Variants in AGBL4 observed in about 807,000 individuals in gnomAD.
AGBL4 encodes the protein cytosolic carboxypeptidase 6.
AGBL4 carries 58 observed loss-of-function variants against 66.4 expected under a neutral mutation model. That is an observed-to-expected ratio of 0.87 (90% CI 0.71 to 1.09). The LOEUF (loss-of-function observed/expected upper bound fraction) is 1.09, where lower values mean the gene tolerates loss of function less well. Among genes scored for constraint, AGBL4 ranks in the 50% least tolerant of loss-of-function variants. The pLI is 0.00. For synonymous variants in AGBL4, 234 were observed against 222.9 expected, an observed-to-expected ratio of 1.05 and a Z score of -0.44; for missense variants, 579 against 631.0, an observed-to-expected ratio of 0.92 and a Z score of 0.88.
chr1:48,921,382 A>C (rs1654061846), intron 5 of AGBL4, among the ~76,000 whole-genome samples: 1 of 152,238 alleles, frequency 6.6e-6, no homozygotes, highest in Non-Finnish European at 1.5e-5. Flanking sequence ...GGGAAGACAA[A>C]TATAAATAAT....
At chr1:48,616,337 C>T (rs1195027296) in intron 9 of AGBL4, among the ~76,000 whole-genome samples, 1 of 152,180 alleles carries the variant, frequency 6.6e-6, no homozygotes, top group Non-Finnish European at 1.5e-5. Context: ...ACGTTCAGAG[C>T]TCGTATAACC....
At chr1:48,905,244 G>A (rs1186238754) in intron 5 of AGBL4, among the ~76,000 whole-genome samples, 4 of 152,144 alleles carry the variant, frequency 2.6e-5, no homozygotes, top group African/African-American at 9.7e-5. Context: ...CAACAAGAGG[G>A]AAGCAAAAAG....
At chr1:49,947,305 A>T (rs2148305627) in intron 1 of AGBL4, among the ~76,000 whole-genome samples, 1 of 152,036 alleles carries the variant, frequency 6.6e-6, no homozygotes, top group East Asian at 1.9e-4. Context: ...ACAAAATACT[A>T]CCTAACCCAA....
At chr1:49,603,746 C>T (rs1286885982) in intron 3 of AGBL4, among the ~76,000 whole-genome samples, 1 of 151,854 alleles carries the variant, frequency 6.6e-6, no homozygotes, top group African/African-American at 2.4e-5. Flanking sequence ...CTCCAGTGTC[C>T]ATTATACCAC....
At chr1:49,014,574 G>T (rs1662675863) in intron 5 of AGBL4, among the ~76,000 whole-genome samples, 1 of 152,188 alleles carries the variant, frequency 6.6e-6, no homozygotes, top group Non-Finnish European at 1.5e-5. Flanking sequence ...AGGCGGGCCA[G>T]CCTCTTACAG....
At chr1:49,845,080 T>C (rs1163846047) in intron 2 of AGBL4, 3 of 1,450,632 alleles carry the variant, frequency 2.1e-6, no homozygotes, top group Non-Finnish European at 2.9e-6. Flanking sequence ...ACCCTACAAA[T>C]GTCAGGAATG....
intron 4 of AGBL4, among the ~76,000 whole-genome samples, chr1:49,101,175 G>C (rs999806272): frequency 1.3e-5 from 2 of 151,718 alleles, no homozygotes; most frequent in Non-Finnish European, 2.9e-5. Context: ...TGACTTCTAA[G>C]GAACTTTTTA....
intron 9 of AGBL4, among the ~76,000 whole-genome samples, chr1:48,620,764 A>G (rs924968134): frequency 3.3e-5 from 5 of 152,198 alleles, no homozygotes; most frequent in Non-Finnish European, 5.9e-5. Flanking sequence ...ACATTTATTG[A>G]GTGCTTACAA....
chr1:49,785,308 T>G (rs368704050), intron 2 of AGBL4, among the ~76,000 whole-genome samples: 6 of 152,134 alleles, frequency 3.9e-5, no homozygotes, highest in Non-Finnish European at 5.9e-5. Context: ...ACAAAATTAC[T>G]AAAAGAATGT....
At chr1:49,179,972 G>A (rs1279405930) in intron 4 of AGBL4, among the ~76,000 whole-genome samples, 1 of 151,934 alleles carries the variant, frequency 6.6e-6, no homozygotes, top group African/African-American at 2.4e-5. Context: ...CGCGATCTCG[G>A]CTCACTGCAA....
chr1:49,948,055 T>TATATGTAAATATATGTAA (rs1553151849), intron 1 of AGBL4, among the ~76,000 whole-genome samples: 10 of 95,678 alleles, frequency 1.0e-4, no homozygotes, highest in Admixed American at 1.5e-4. Context: ...TATATAAATA[T>TATATGTAAATATATGTAA]ATATATGTAA....
chr1:49,991,110 C>T (rs571614298), intron 1 of AGBL4, among the ~76,000 whole-genome samples: 15 of 152,226 alleles, frequency 9.9e-5, no homozygotes, highest in Admixed American at 2.6e-4. Flanking sequence ...TGAAGCCAAA[C>T]AGGGAGATTT....
chr1:49,288,303 A>C (rs559539400), intron 3 of AGBL4, among the ~76,000 whole-genome samples: 4 of 151,064 alleles, frequency 2.6e-5, no homozygotes, highest in Non-Finnish European at 5.9e-5. Flanking sequence ...AGCATGGCAC[A>C]TGTATACATA....
intron 6 of AGBL4, among the ~76,000 whole-genome samples, chr1:48,866,766 A>G (rs575085043): frequency 6.6e-6 from 1 of 152,236 alleles, no homozygotes; most frequent in South Asian, 2.1e-4. Context: ...AGCCAACCAA[A>G]TCTGCTCACT....
intron 6 of AGBL4, among the ~76,000 whole-genome samples, chr1:48,800,086 T>G (rs1166575752): frequency 6.6e-6 from 1 of 152,222 alleles, no homozygotes; most frequent in Non-Finnish European, 1.5e-5. Context: ...CCAATTCTTC[T>G]TTGAATGCCT....
chr1:49,773,109 A>G (rs986143709), intron 2 of AGBL4, among the ~76,000 whole-genome samples: 1 of 152,130 alleles, frequency 6.6e-6, no homozygotes, highest in African/African-American at 2.4e-5. Context: ...TGTTTCGGCT[A>G]GTACATTGTT....
intron 1 of AGBL4, among the ~76,000 whole-genome samples, chr1:49,926,030 C>T (rs1439275681): frequency 6.6e-6 from 1 of 152,182 alleles, no homozygotes; most frequent in Non-Finnish European, 1.5e-5. Context: ...CTTGAGCAAA[C>T]ATAGGTGGTA....
At chr1:49,629,916 C>T (rs1645538521) in intron 3 of AGBL4, among the ~76,000 whole-genome samples, 1 of 152,134 alleles carries the variant, frequency 6.6e-6, no homozygotes, top group East Asian at 1.9e-4. Flanking sequence ...ATTCTTGCCT[C>T]TTTCTTATTG....
At chr1:49,214,737 T>C (rs1294929492) in intron 4 of AGBL4, among the ~76,000 whole-genome samples, 2 of 152,292 alleles carry the variant, frequency 1.3e-5, no homozygotes, top group South Asian at 2.1e-4. Context: ...CATCTGCTGG[T>C]AGACTGAGAC....
Sources: gnomAD v4.1 joint callset for allele counts (sites outside exome capture counted in the v4.1 genomes callset) on GRCh38, gnomAD v4.1.1 for gene constraint, MANE v1.5 for transcripts, NCBI Gene and HGNC (gene_info 2026-07-23, HGNC 2026-07-21) for gene names.